Variants in ASIC2 observed in about 807,000 individuals in gnomAD.
The protein encoded by ASIC2 is acid-sensing ion channel 2.
A neutral mutation model predicts 57.3 loss-of-function variants in ASIC2; 25 were observed. The ratio of observed to expected loss-of-function variants is 0.44; its 90% CI spans 0.32 to 0.61. ASIC2 has a LOEUF of 0.61. ASIC2 is among the 20% of genes least tolerant of loss of function. The pLI, the probability that ASIC2 is intolerant of heterozygous loss-of-function variation, is 0.06. For missense variants in ASIC2, 641 were observed against 738.1 expected (o/e 0.87, Z 1.52); for synonymous variants, 319 against 307.5 (o/e 1.04, Z -0.39).
chr17:33,968,499 C>T (rs1360076415), intron 1 of ASIC2, among the ~76,000 whole-genome samples: 2 of 152,210 alleles, frequency 1.3e-5, no homozygotes, highest in African/African-American at 4.8e-5. Flanking sequence ...GAACAGATTG[C>T]AGGAGCAATT....
intron 1 of ASIC2, among the ~76,000 whole-genome samples, chr17:33,478,103 G>A (rs879030335): frequency 2.0e-5 from 3 of 152,196 alleles, no homozygotes; most frequent in Admixed American, 1.3e-4. Flanking sequence ...TATTAGGTAG[G>A]TGAGGGCTCA....
chr17:33,348,684 G>T (rs1908046776), intron 1 of ASIC2, among the ~76,000 whole-genome samples: 1 of 152,108 alleles, frequency 6.6e-6, no homozygotes, highest in African/African-American at 2.4e-5. Flanking sequence ...GGGATGTAGT[G>T]GGGATCTCAG....
chr17:33,272,554 C>T (rs1229629647), intron 1 of ASIC2, among the ~76,000 whole-genome samples: 1 of 152,128 alleles, frequency 6.6e-6, no homozygotes, highest in Admixed American at 6.5e-5. Context: ...ATCACATAAA[C>T]CCATGAGCCC....
At chr17:33,786,933 T>G (rs1243625139) in intron 1 of ASIC2, among the ~76,000 whole-genome samples, 1 of 152,240 alleles carries the variant, frequency 6.6e-6, no homozygotes, top group Non-Finnish European at 1.5e-5. Flanking sequence ...CTCAAGCACA[T>G]ACTTTCATAC....
At chr17:33,210,420 T>C (rs935564235) in intron 1 of ASIC2, among the ~76,000 whole-genome samples, 4 of 152,170 alleles carry the variant, frequency 2.6e-5, no homozygotes, top group African/African-American at 9.7e-5. Context: ...AAGTTATCTA[T>C]GATGTCTGCA....
At chr17:33,873,723 C>T (rs538180514) in intron 1 of ASIC2, among the ~76,000 whole-genome samples, 7 of 152,272 alleles carry the variant, frequency 4.6e-5, no homozygotes, top group East Asian at 1.9e-4. Flanking sequence ...GGATTCAAGC[C>T]CATGCCTGTC....
chr17:33,056,515 G>C (rs1179654204), intron 3 of ASIC2, among the ~76,000 whole-genome samples: 1 of 152,116 alleles, frequency 6.6e-6, no homozygotes, highest in African/African-American at 2.4e-5. Flanking sequence ...GCCATGTTGG[G>C]ACTCTCTGTG....
chr17:33,621,079 C>T (rs1301981766), intron 1 of ASIC2, among the ~76,000 whole-genome samples: 1 of 152,192 alleles, frequency 6.6e-6, no homozygotes, highest in Non-Finnish European at 1.5e-5. Flanking sequence ...AACTAAAGTG[C>T]CACCTTTTCA....
At chr17:33,040,191 G>C (rs1027857265) in intron 3 of ASIC2, among the ~76,000 whole-genome samples, 2 of 152,208 alleles carry the variant, frequency 1.3e-5, no homozygotes, top group Non-Finnish European at 2.9e-5. Context: ...TTGGCTCAGG[G>C]AGTGCAGTGA....
intron 1 of ASIC2, among the ~76,000 whole-genome samples, chr17:34,065,751 G>A: frequency 6.6e-6 from 1 of 152,146 alleles, no homozygotes; most frequent in South Asian, 2.1e-4. Context: ...GAGGAAAACA[G>A]GGGCATGCAA....
chr17:34,099,862 C>T (rs2142099224), intron 1 of ASIC2, among the ~76,000 whole-genome samples: 1 of 152,240 alleles, frequency 6.6e-6, no homozygotes, highest in South Asian at 2.1e-4. Context: ...TTGGAATGAA[C>T]ACTGGAAGGT....
chr17:33,494,596 C>T (rs1913868322), intron 1 of ASIC2, among the ~76,000 whole-genome samples: 1 of 152,154 alleles, frequency 6.6e-6, no homozygotes, highest in Non-Finnish European at 1.5e-5. Context: ...AGAAAACCCT[C>T]ACGGCTGGGA....
At chr17:33,194,276 G>GGGGGT (rs1906541453) in intron 1 of ASIC2, among the ~76,000 whole-genome samples, 1 of 152,154 alleles carries the variant, frequency 6.6e-6, no homozygotes, top group East Asian at 1.9e-4. Flanking sequence ...TTCTGACCAA[G>GGGGGT]AGGCCATTGC....
chr17:33,998,584 C>T (rs559501444), intron 1 of ASIC2, among the ~76,000 whole-genome samples: 2 of 152,096 alleles, frequency 1.3e-5, no homozygotes, highest in East Asian at 3.9e-4. Context: ...TTTCATTTTT[C>T]TCAAGATATG....
chr17:33,468,552 A>AT (rs1234937511), intron 1 of ASIC2, among the ~76,000 whole-genome samples: 1 of 152,180 alleles, frequency 6.6e-6, no homozygotes, highest in Non-Finnish European at 1.5e-5. Context: ...TAATATAGTA[A>AT]TTTCATGATA....
intron 1 of ASIC2, chr17:34,081,096 A>C (rs943199063): frequency 6.6e-6 from 1 of 152,150 alleles, no homozygotes; most frequent in South Asian, 2.1e-4. Flanking sequence ...TACTTTCTGG[A>C]GTCAAGCTTC....
intron 1 of ASIC2, among the ~76,000 whole-genome samples, chr17:33,817,818 C>T (rs750208639): frequency 9.2e-5 from 14 of 152,130 alleles, no homozygotes; most frequent in African/African-American, 1.4e-4. Flanking sequence ...TCAGCATCAA[C>T]GGGGGCAGCT....
rs34731946 is a variant in ASIC2 at position 33,449,848 on chromosome 17, C to T, written c.556-337781G>A. The stretch of plus-strand genomic sequence containing the variant: ...GAAGTGCAGTGGCACAATCTTGGCT[C>T]ACTCTAACCTCTGCTTCCCAGGTTC... On this transcript the variant is annotated intron_variant, in intron 1 of 9. Transcript: ENST00000359872. 8.7e-3 allele frequency among the ~76,000 whole-genome samples: 1,328 copies of T among 152,014 alleles called. 22 individuals are homozygous for T. Among genetic ancestry groups the T allele is most frequent in the African/African-American group, 0.03 (1,264 of 41,444 alleles).
chr17:33,028,227 T>C lies in ASIC2; in HGVS notation c.1138+15A>G, dbSNP rs368069743. 12 of 1,613,296 alleles carry C rather than the reference T, an allele frequency of 7.4e-6. No homozygotes were observed. The African/African-American group carries it at 1.3e-4, about 18-fold the overall frequency. On this transcript the variant is annotated intron_variant, in intron 4 of 9. Transcript: ENST00000225823. ...AGATCCCAGGGCCCTGTGGCCACCCTGCCCTGGCACTGACCTGGCATGTGA... is the reference window on the plus strand; with the variant it reads ...AGATCCCAGGGCCCTGTGGCCACCCCGCCCTGGCACTGACCTGGCATGTGA...
Sources: gnomAD v4.1 joint callset for allele counts (sites outside exome capture counted in the v4.1 genomes callset) on GRCh38, gnomAD v4.1.1 for gene constraint, MANE v1.5 for transcripts, NCBI Gene and HGNC (gene_info 2026-07-23, HGNC 2026-07-21) for gene names.